LRBA: variants seen among roughly 807,000 people sequenced by gnomAD.
LRBA encodes LPS responsive beige-like anchor protein, also known as lipopolysaccharide-responsive and beige-like anchor protein.
LRBA carries 176 observed loss-of-function variants against 330.0 expected under a neutral mutation model. The ratio of observed to expected loss-of-function variants is 0.53; its 90% confidence interval spans 0.47 to 0.60. The LOEUF (loss-of-function observed/expected upper bound fraction) is 0.60, where lower values mean the gene tolerates loss of function less well. LRBA is among the 20% of genes least tolerant of loss of function. The pLI is 0.00. For synonymous variants in LRBA, 1,230 were observed against 1,193.0 expected (o/e 1.03, Z -0.64); for missense variants, 3,259 against 3,444.8 (o/e 0.95, Z 1.35).
intron 37 of LRBA, among the ~76,000 whole-genome samples, chr4:150,629,378 C>A (rs539148738): frequency 2.6e-5 from 4 of 152,240 alleles, no homozygotes; most frequent in Admixed American, 2.6e-4. Flanking sequence ...GTGGCTCATG[C>A]CTGTAATCCC....
chr4:150,842,027 T>G (rs1356933517), intron 28 of LRBA, among the ~76,000 whole-genome samples: 7 of 152,244 alleles, frequency 4.6e-5, no homozygotes, highest in Non-Finnish European at 7.3e-5. Flanking sequence ...TAAAATATAG[T>G]GTTTTCTTTT....
At chr4:150,494,170 C>A (rs1759291126) in intron 40 of LRBA, among the ~76,000 whole-genome samples, 1 of 152,094 alleles carries the variant, frequency 6.6e-6, no homozygotes, top group African/African-American at 2.4e-5. Flanking sequence ...CAGAAAATGG[C>A]CTATACCCAG....
chr4:150,913,584 T>C (rs1005280243), intron 9 of LRBA, among the ~76,000 whole-genome samples: 2 of 152,244 alleles, frequency 1.3e-5, no homozygotes, highest in African/African-American at 2.4e-5. Context: ...TGTTTACTTA[T>C]TGATCTTCTG....
At chr4:150,806,936 C>G (rs755836720) in intron 32 of LRBA, among the ~76,000 whole-genome samples, 1 of 151,806 alleles carries the variant, frequency 6.6e-6, no homozygotes. Flanking sequence ...AAATAATATA[C>G]TTTATAGGCA....
chr4:150,455,634 A>G (rs2152038530), intron 44 of LRBA, among the ~76,000 whole-genome samples: 1 of 152,188 alleles, frequency 6.6e-6, no homozygotes, highest in South Asian at 2.1e-4. Context: ...TCAAGTGTCT[A>G]CCCCTTCAAG....
intron 35 of LRBA, among the ~76,000 whole-genome samples, chr4:150,758,004 A>G (rs898901374): frequency 6.6e-6 from 1 of 152,212 alleles, no homozygotes; most frequent in Non-Finnish European, 1.5e-5. Context: ...ATAACAGATG[A>G]TATAAAAATA....
chr4:150,381,636 C>T (rs1438043098), intron 47 of LRBA, among the ~76,000 whole-genome samples: 2 of 151,434 alleles, frequency 1.3e-5, no homozygotes, highest in African/African-American at 2.4e-5. Flanking sequence ...TTTTTGGCTA[C>T]TATGACTAAT....
At chr4:150,717,701 A>AATAATAATC (rs890794296) in intron 36 of LRBA, among the ~76,000 whole-genome samples, 9 of 148,048 alleles carry the variant, frequency 6.1e-5, no homozygotes, top group African/African-American at 2.2e-4. Context: ...TAATAATAAT[A>AATAATAATC]ATCAGTGCTT....
At chr4:150,340,402 C>CA (rs1200448297) in intron 48 of LRBA, among the ~76,000 whole-genome samples, 1 of 152,160 alleles carries the variant, frequency 6.6e-6, no homozygotes, top group Non-Finnish European at 1.5e-5. Flanking sequence ...TCTGTTTTCT[C>CA]ATACTGCACC....
chr4:150,429,175 G>A (rs776817766), intron 46 of LRBA, among the ~76,000 whole-genome samples: 2 of 152,026 alleles, frequency 1.3e-5, no homozygotes, highest in African/African-American at 2.4e-5. Context: ...AAGTGCATGA[G>A]GTGATGGGGG....
At chr4:151,005,103 C>A (rs915202671) in intron 2 of LRBA, among the ~76,000 whole-genome samples, 11 of 151,930 alleles carry the variant, frequency 7.2e-5, no homozygotes, top group African/African-American at 2.4e-4. Flanking sequence ...ACACAGGATT[C>A]CCACAAATAA....
intron 47 of LRBA, among the ~76,000 whole-genome samples, chr4:150,367,248 G>A (rs1739587182): frequency 6.6e-6 from 1 of 152,124 alleles, no homozygotes; most frequent in Non-Finnish European, 1.5e-5. Flanking sequence ...GAATGAGGGA[G>A]AAGTAAAACA....
At chr4:150,806,171 A>G in intron 33 of LRBA, 100 bp downstream of exon 33, 2 of 875,556 alleles carry the variant, frequency 2.3e-6, no homozygotes, top group Non-Finnish European at 3.3e-6. Flanking sequence ...AAAGGCTGAC[A>G]ACACTTAAAC....
chr4:150,623,611 T>C (rs1776529928), intron 37 of LRBA, among the ~76,000 whole-genome samples: 2 of 152,090 alleles, frequency 1.3e-5, no homozygotes, highest in South Asian at 2.1e-4. Flanking sequence ...TCAAACTATT[T>C]ACCTCCTCAC....
chr4:150,268,822 A>ATGAT (rs1429610893), intron 56 of LRBA, among the ~76,000 whole-genome samples: 1 of 152,206 alleles, frequency 6.6e-6, no homozygotes, highest in African/African-American at 2.4e-5. Context: ...TTTTTCCCCT[A>ATGAT]TGATTGGGAA....
At chr4:150,825,204 C>T (rs900272315) in intron 30 of LRBA, among the ~76,000 whole-genome samples, 2 of 152,118 alleles carry the variant, frequency 1.3e-5, no homozygotes, top group African/African-American at 4.8e-5. Context: ...ATGTAAATTT[C>T]AATTATTAAA....
At chr4:150,508,577 C>G (rs1236330979) in intron 40 of LRBA, among the ~76,000 whole-genome samples, 4 of 152,120 alleles carry the variant, frequency 2.6e-5, no homozygotes, top group Admixed American at 6.5e-5. Context: ...CAGGAGCCAC[C>G]ACGTCCAGCC....
chr4:150,935,137 T>C (rs986505606), intron 2 of LRBA, among the ~76,000 whole-genome samples: 3 of 149,954 alleles, frequency 2.0e-5, no homozygotes, highest in Admixed American at 1.3e-4. Context: ...GATTGCCCCA[T>C]TGCACTCCAG....
intron 37 of LRBA, among the ~76,000 whole-genome samples, chr4:150,639,402 A>G (rs1778288726): frequency 6.7e-6 from 1 of 149,636 alleles, no homozygotes; most frequent in Non-Finnish European, 1.5e-5. Context: ...AAAAAAGAAC[A>G]CATAAGCAAA....
Sources: allele counts gnomAD v4.1 joint callset (sites outside exome capture counted in the v4.1 genomes callset), GRCh38; gene constraint gnomAD v4.1.1; transcripts MANE v1.5; gene names NCBI Gene and HGNC (gene_info 2026-07-23, HGNC 2026-07-21).